Variants in UTP20 observed in about 807,000 individuals in gnomAD.
UTP20 encodes the protein UTP20 small subunit processome component.
UTP20 carries 164 observed loss-of-function variants against 329.5 expected under a neutral mutation model. The ratio of observed to expected loss-of-function variants is 0.50; its 90% CI spans 0.44 to 0.57. The LOEUF is 0.57. Among genes scored for constraint, UTP20 ranks in the 20% least tolerant of loss-of-function variants. The probability of loss-of-function intolerance (pLI) is 0.00; values close to 1 mark genes in which losing one functional copy is unlikely to be tolerated. For missense variants in UTP20, 3,055 were observed against 3,284.2 expected (o/e 0.93, Z 1.71); for synonymous variants, 1,151 against 1,159.3 (o/e 0.99, Z 0.14).
rs777948688 is a variant in UTP20 at position 101,386,035 on chromosome 12, A to G, written c.8270A>G (p.Lys2757Arg). Residue 2757 changes from lysine to arginine, a missense_variant, in exon 62 of 62, where the codon AAG (lysine) becomes AGG (arginine). Lys to Arg is a conservative substitution (Grantham distance 26). This residue lies in a region of UTP20 where 337 missense variants were observed against 345.5 expected (regional missense o/e 0.98). Transcript: ENST00000261637. ...AAACACAAAAATAAAAGTGAAGCAA[A>G]GAAGAGAAAGATAGAGTTCCTGCGT... ...MKKHKNKSEA[K>R]KRKIEFLRPG... 4.9e-5 allele frequency: 79 copies of G among 1,610,674 alleles called. 1 individual carries two copies. The highest frequency in any genetic ancestry group is 5.3e-5 in the Non-Finnish European group (62 of 1,179,444).
Position 101,295,655 on chromosome 12 carries a change from TG to T in UTP20, c.1430+1del. ...KYPLVFSPQM[V>X]GFYIKQKKTR... Reference sequence around the variant, plus strand: ...CCTCTGGTTTTCTCACCGCAGATGGTGGGGTGAGTTCTAACTTTTTATTCCT... The same window carrying T: ...CCTCTGGTTTTCTCACCGCAGATGGTGGGTGAGTTCTAACTTTTTATTCCT... On this transcript the variant is annotated frameshift_variant and splice_region_variant, in exon 12 of 62. Coordinates refer to ENST00000261637, the MANE Select transcript of UTP20 (RefSeq NM_014503.3). LOFTEE classifies it high-confidence loss of function. 6.2e-7 allele frequency: 1 copy of T among 1,600,066 alleles called. No individual in the cohort carries two copies.
intron 38 of UTP20, among the ~76,000 whole-genome samples, chr12:101,351,322 T>C (rs556100758): frequency 3.3e-5 from 5 of 152,244 alleles, no homozygotes; most frequent in African/African-American, 1.2e-4. Flanking sequence ...AGATGGGGTT[T>C]CACCATGTTG....
intron 42 of UTP20, 61 bp from the exon 43 acceptor site, chr12:101,356,865 T>C (rs1179417331): frequency 1.3e-6 from 2 of 1,537,480 alleles, no homozygotes; most frequent in South Asian, 1.2e-5. Flanking sequence ...CTAAAGGATA[T>C]GTGTATGTTT....
rs182915155 is a variant in UTP20 at position 101,288,797 on chromosome 12, A to C, written c.516-163A>C. ...TGTCTGTGGTCAAGTCTTCCTTTCA[A>C]CATGTGGGTGTCTCCATAAATGAAT... On this transcript the variant is annotated intron_variant, in intron 5 of 61. Coordinates refer to ENST00000261637, the MANE Select transcript of UTP20 (RefSeq NM_014503.3). Among the ~76,000 whole-genome samples the C allele has an allele frequency of 2.6e-5, 4 of 152,278 alleles. No homozygotes were observed. The East Asian group carries it at 7.7e-4, about 29-fold the overall frequency.
chr12:101,359,063 GT>G (rs764212308), intron 43 of UTP20, among the ~76,000 whole-genome samples: 1 of 151,972 alleles, frequency 6.6e-6, no homozygotes, highest in South Asian at 2.1e-4. Flanking sequence ...TTGTTTTTTT[GT>G]TTTGTTGTCT....
intron 32 of UTP20, among the ~76,000 whole-genome samples, chr12:101,342,223 A>G (rs1869163416): frequency 6.6e-6 from 1 of 152,190 alleles, no homozygotes. Flanking sequence ...AAAACTACAT[A>G]TATTGCTTAT....
intron 60 of UTP20, among the ~76,000 whole-genome samples, 188 bp downstream of exon 60, chr12:101,383,857 C>T (rs1870743271): frequency 6.7e-6 from 1 of 150,228 alleles, no homozygotes; most frequent in Admixed American, 6.7e-5. Flanking sequence ...CACACACACA[C>T]ACATACATTT....
At chr12:101,368,591 A>G (rs967565064) in intron 48 of UTP20, among the ~76,000 whole-genome samples, 1 of 152,012 alleles carries the variant, frequency 6.6e-6, no homozygotes, top group African/African-American at 2.4e-5. Context: ...GATCCTCACA[A>G]CTTCATGAGG....
chr12:101,303,001 C>T (rs1872561608), intron 15 of UTP20, among the ~76,000 whole-genome samples: 2 of 152,006 alleles, frequency 1.3e-5, no homozygotes, highest in Admixed American at 1.3e-4. Flanking sequence ...GGTTTGGTTT[C>T]TTTGTTTGCT....
chr12:101,309,928 TA>T, intron 19 of UTP20, 89 bp downstream of exon 19: 1 of 1,158,854 alleles, frequency 8.6e-7, no homozygotes, highest in South Asian at 1.3e-5. Context: ...GGGTGTGATT[TA>T]AATGAATGGG....
At chr12:101,369,260 C>CA (rs1870199370) in intron 48 of UTP20, among the ~76,000 whole-genome samples, 4 of 151,796 alleles carry the variant, frequency 2.6e-5, no homozygotes, top group Admixed American at 1.3e-4. Context: ...TGTATTTTTC[C>CA]AAAAAAATTG....
Position 101,299,823 on chromosome 12 carries a change from G to A in UTP20, c.1572G>A (p.Val524=), listed in dbSNP as rs552124975. 1.9e-6 allele frequency: 3 copies of A among 1,606,670 alleles called. No individual in the cohort carries two copies. Among genetic ancestry groups the A allele is most frequent in the African/African-American group, 1.3e-5 (1 of 74,594 alleles). Residue 524 remains valine, a synonymous_variant, in exon 13 of 62, where the codon GTG becomes GTA. Transcript: ENST00000261637. ...CACAATCTTGGGCAGCCCTCGTGGT[G>A]TTACCTCATATTAGGTAAGAAAATA... The part of the protein sequence containing the change: ...YLSQSWAALV[V]LPHIRPLEKE...
intron 45 of UTP20, 151 bp from the exon 46 acceptor site, chr12:101,365,308 T>G (rs985547328): frequency 1.7e-6 from 1 of 594,246 alleles, no homozygotes; most frequent in Non-Finnish European, 2.9e-6. Flanking sequence ...ATATGTTATA[T>G]CTGTGTTTGA....
At chr12:101,353,158 A>G (rs1207498983) in intron 40 of UTP20, 29 bp downstream of exon 40, 1 of 1,467,762 alleles carries the variant, frequency 6.8e-7, no homozygotes, top group Admixed American at 1.7e-5. Flanking sequence ...CTTAAACAAG[A>G]TTTTCATCTT....
chr12:101,321,152 T>G (rs1009889533), intron 24 of UTP20, among the ~76,000 whole-genome samples: 1 of 152,212 alleles, frequency 6.6e-6, no homozygotes, highest in African/African-American at 2.4e-5. Flanking sequence ...TAAAACTGTG[T>G]TGTAAATATT....
In UTP20 at chr12:101,356,614, G is replaced by A. The variant is rs768218728; in HGVS notation, c.5455G>A (p.Val1819Ile). Residue 1819 changes from valine to isoleucine, a missense_variant, in exon 42 of 62, where the codon GTT becomes ATT. This residue lies in a region of UTP20 where 2,445 missense variants were observed against 2,575.5 expected (regional missense o/e 0.95). Coordinates refer to ENST00000261637, the MANE Select transcript of UTP20 (RefSeq NM_014503.3). ...KSKVVNDEEV[V>I]RVPLAFAMVK... ...AAAGGTTGTGAATGATGAGGAAGTC[G>A]TTCGAGTTCCATTAGCTTTTGCCAT... 35 of 1,613,882 alleles carry A rather than the reference G, an allele frequency of 2.2e-5. No homozygotes were observed. Among genetic ancestry groups the A allele is most frequent in the South Asian group, 3.3e-5 (3 of 91,050 alleles).
intron 31 of UTP20, among the ~76,000 whole-genome samples, chr12:101,339,710 A>C (rs751281410): frequency 5.5e-4 from 83 of 152,156 alleles, no homozygotes; most frequent in Non-Finnish European, 8.2e-4. Flanking sequence ...TTGGCAGTAG[A>C]CCTAGGAGTG....
chr12:101,346,535 A>C lies in UTP20; in HGVS notation c.4831A>C (p.Asn1611His). The C allele has an allele frequency of 6.2e-7, 1 of 1,609,748 alleles. No individual in the cohort carries two copies. The highest frequency in any genetic ancestry group is 8.5e-7 in the Non-Finnish European group (1 of 1,178,322). Residue 1611 changes from asparagine to histidine, a missense_variant, in exon 38 of 62, where the codon AAT becomes CAT. By Grantham distance (68) the Asn-to-His change is moderately conservative. Coordinates refer to ENST00000261637, the MANE Select transcript of UTP20 (RefSeq NM_014503.3). ...TGTTCTGTCTTCTAAATCTCTTCAG[A>C]ATTACATCATGCCTTATGCCATGAC... ...KVVLSSKSLQ[N>H]YIMPYAMTPI...
intron 21 of UTP20, among the ~76,000 whole-genome samples, chr12:101,313,293 A>G (rs1262918480): frequency 6.6e-6 from 1 of 152,210 alleles, no homozygotes; most frequent in African/African-American, 2.4e-5. Flanking sequence ...ATGAACAGCA[A>G]GATCTGAGTG....
Sources: allele counts gnomAD v4.1 joint callset (sites outside exome capture counted in the v4.1 genomes callset), GRCh38; gene constraint gnomAD v4.1.1; regional missense constraint gnomAD v4.1.1; transcripts MANE v1.5; gene names NCBI Gene and HGNC (gene_info 2026-07-23, HGNC 2026-07-21).